Variants in RHBDD1 observed in about 807,000 individuals in gnomAD.
RHBDD1 encodes rhomboid domain containing 1.
Under a neutral mutation model 36.3 loss-of-function variants are expected in RHBDD1, and 38 were observed. The observed-to-expected ratio is 1.05, with a 90% confidence interval of 0.81 to 1.37. The LOEUF is 1.37. Among genes scored for constraint, RHBDD1 ranks in the 40% most tolerant of loss-of-function variants. The pLI is 0.00. For synonymous variants in RHBDD1, 151 were observed against 136.5 expected (o/e 1.11, Z -0.74); for missense variants, 393 against 377.6 (o/e 1.04, Z -0.34).
upstream of RHBDD1, among the ~76,000 whole-genome samples, chr2:226,832,982 AAAAAAAG>A (rs1395811942): frequency 1.3e-5 from 2 of 152,260 alleles, no homozygotes; most frequent in African/African-American, 2.4e-5. Flanking sequence ...TTGCACTTCA[AAAAAAAG>A]AAAAAAGAAA....
intron 5 of RHBDD1, among the ~76,000 whole-genome samples, chr2:226,902,756 T>C (rs1273124266): frequency 6.6e-6 from 1 of 152,218 alleles, no homozygotes; most frequent in Non-Finnish European, 1.5e-5. Flanking sequence ...AAATGCTGAA[T>C]GTTGGAGGAT....
the RHBDD1 span, among the ~76,000 whole-genome samples, chr2:226,806,422 G>T: frequency 6.6e-6 from 1 of 152,100 alleles, no homozygotes; most frequent in African/African-American, 2.4e-5. Context: ...TGAGTTTTAT[G>T]TATGCTAAGA....
At chr2:226,915,353 T>G (rs1433728578) in intron 8 of RHBDD1, among the ~76,000 whole-genome samples, 1 of 152,170 alleles carries the variant, frequency 6.6e-6, no homozygotes, top group Non-Finnish European at 1.5e-5. Context: ...CCCTCACTTT[T>G]GAATGGACAA....
At chr2:226,908,444 A>C in intron 6 of RHBDD1, 1 of 198,602 alleles carries the variant, frequency 5.0e-6, no homozygotes, top group East Asian at 1.2e-4. Flanking sequence ...TGGCTCTCCT[A>C]ACACCTTCTT....
At chr2:226,993,619 TG>T (rs1172603928) in intron 8 of RHBDD1, among the ~76,000 whole-genome samples, 3 of 152,040 alleles carry the variant, frequency 2.0e-5, no homozygotes, top group Non-Finnish European at 4.4e-5. Context: ...TATTTTGGGG[TG>T]TTCTAGTCAG....
At chr2:226,892,508 G>C (rs929861913) in intron 5 of RHBDD1, among the ~76,000 whole-genome samples, 1 of 152,156 alleles carries the variant, frequency 6.6e-6, no homozygotes, top group African/African-American at 2.4e-5. Context: ...GAGGTATCAG[G>C]TTTTTATAAG....
At chr2:226,803,648 G>T in the RHBDD1 span, among the ~76,000 whole-genome samples, 1 of 152,186 alleles carries the variant, frequency 6.6e-6, no homozygotes, top group East Asian at 1.9e-4. Context: ...CAGGGCAAAT[G>T]AGATCACATA....
At chr2:226,918,518 G>C (rs1949081420) in intron 8 of RHBDD1, among the ~76,000 whole-genome samples, 1 of 151,850 alleles carries the variant, frequency 6.6e-6, no homozygotes, top group South Asian at 2.1e-4. Context: ...ATCTCCATGA[G>C]TTTGTTTTAA....
At chr2:226,934,915 G>C (rs1950244852) in intron 8 of RHBDD1, among the ~76,000 whole-genome samples, 1 of 151,454 alleles carries the variant, frequency 6.6e-6, no homozygotes, top group Non-Finnish European at 1.5e-5. Flanking sequence ...TGGGTACAAA[G>C]CTCTGTCCTT....
chr2:226,941,820 G>C (rs140741501), intron 8 of RHBDD1, among the ~76,000 whole-genome samples: 7 of 152,186 alleles, frequency 4.6e-5, no homozygotes, highest in Non-Finnish European at 8.8e-5. Flanking sequence ...GGAAAGCACT[G>C]TAAATATTTT....
At chr2:226,819,525 G>A in the RHBDD1 span, among the ~76,000 whole-genome samples, 79 of 152,288 alleles carry the variant, frequency 5.2e-4, no homozygotes, top group Non-Finnish European at 8.8e-4. Context: ...TTCATCAATT[G>A]TAACAAATAT....
At position 226,894,481 on chromosome 2, in the gene RHBDD1, G is replaced by A. The variant is rs187992193; in HGVS notation, c.567-12312G>A. 6.4e-3 allele frequency among the ~76,000 whole-genome samples: 975 copies of A among 152,250 alleles called. 15 individuals are homozygous for A. Among genetic ancestry groups the A allele is most frequent in the African/African-American group, 0.022 (910 of 41,546 alleles). On this transcript the variant is annotated intron_variant, in intron 5 of 8. Coordinates refer to ENST00000392062, the MANE Select transcript of RHBDD1 (RefSeq NM_001167608.3). ...AGATGGGGTTTCACCATGTTGGCCAGGCTGGTCTCGATCTCCTGATGTCAA... is the reference window on the plus strand; with the variant it reads ...AGATGGGGTTTCACCATGTTGGCCAAGCTGGTCTCGATCTCCTGATGTCAA...
At chr2:226,973,162 TGTG>T (rs1953908901) in intron 8 of RHBDD1, among the ~76,000 whole-genome samples, 1 of 152,186 alleles carries the variant, frequency 6.6e-6, no homozygotes, top group African/African-American at 2.4e-5. Flanking sequence ...TGTGTATGTG[TGTG>T]TACGGAACTA....
intron 8 of RHBDD1, chr2:226,988,356 T>C (rs754893306): frequency 1.9e-6 from 3 of 1,550,024 alleles, no homozygotes; most frequent in South Asian, 2.4e-5. Flanking sequence ...AAAGAGACAA[T>C]GGCAAGTCTC....
At chr2:226,933,505 C>G (rs1446458677) in intron 8 of RHBDD1, among the ~76,000 whole-genome samples, 1 of 152,064 alleles carries the variant, frequency 6.6e-6, no homozygotes, top group Non-Finnish European at 1.5e-5. Context: ...TTACAGTCAG[C>G]CTTTACCAAT....
chr2:226,834,094 G>A (rs1332682544), upstream of RHBDD1, among the ~76,000 whole-genome samples: 7 of 151,978 alleles, frequency 4.6e-5, no homozygotes, highest in African/African-American at 7.3e-5. Flanking sequence ...ACATTTTAAC[G>A]AAATTATTGA....
intron 8 of RHBDD1, among the ~76,000 whole-genome samples, chr2:226,949,555 G>A (rs1951275687): frequency 6.6e-6 from 1 of 152,080 alleles, no homozygotes; most frequent in South Asian, 2.1e-4. Flanking sequence ...GTACTTTATT[G>A]TTACATTGTT....
At chr2:226,909,296 G>A (rs1005553983) in intron 7 of RHBDD1, among the ~76,000 whole-genome samples, 2 of 152,140 alleles carry the variant, frequency 1.3e-5, no homozygotes, top group African/African-American at 2.4e-5. Context: ...AAATAGGCAT[G>A]CCTCTAACAA....
At chr2:226,980,434 G>A (rs1035450237) in intron 8 of RHBDD1, among the ~76,000 whole-genome samples, 1 of 152,174 alleles carries the variant, frequency 6.6e-6, no homozygotes, top group Non-Finnish European at 1.5e-5. Flanking sequence ...GATTTGGGGT[G>A]TGGTTCTGTG....
Sources: gnomAD v4.1 joint callset for allele counts (sites outside exome capture counted in the v4.1 genomes callset) on GRCh38, gnomAD v4.1.1 for gene constraint, MANE v1.5 for transcripts, NCBI Gene and HGNC (gene_info 2026-07-23, HGNC 2026-07-21) for gene names.